The following DPP6 variants were observed in gnomAD, a reference collection of about 807,000 sequenced individuals.
DPP6 encodes the protein A-type potassium channel modulatory protein DPP6.
DPP6 carries 69 observed loss-of-function variants against 122.6 expected under a neutral mutation model. That is an observed-to-expected ratio of 0.56 (90% CI 0.46 to 0.69). The LOEUF (loss-of-function observed/expected upper bound fraction) is 0.69. Among genes scored for constraint, DPP6 ranks in the 30% least tolerant of loss-of-function variants. The pLI is 0.00. For missense variants in DPP6, 928 were observed against 1,116.9 expected, an observed-to-expected ratio of 0.83 and a Z score of 2.41; for synonymous variants, 418 against 433.1, an observed-to-expected ratio of 0.97 and a Z score of 0.43.
intron 1 of DPP6, among the ~76,000 whole-genome samples, chr7:154,412,002 G>A (rs1177468874): frequency 6.6e-6 from 1 of 152,092 alleles, no homozygotes; most frequent in African/African-American, 2.4e-5. Flanking sequence ...TGGAGACCGA[G>A]AAGTCCAAGA....
chr7:154,046,496 A>G (rs533410145), intron 1 of DPP6, among the ~76,000 whole-genome samples: 1 of 152,216 alleles, frequency 6.6e-6, no homozygotes, highest in Non-Finnish European at 1.5e-5. Context: ...TTAGAACTCA[A>G]AGATGAGTGT....
At chr7:153,903,359 A>G (rs1440465782) in intron 1 of DPP6, among the ~76,000 whole-genome samples, 1 of 152,178 alleles carries the variant, frequency 6.6e-6, no homozygotes, top group Non-Finnish European at 1.5e-5. Context: ...TTGTTTATTC[A>G]CTGCTTAGCA....
intron 3 of DPP6, among the ~76,000 whole-genome samples, chr7:154,536,902 T>G (rs1828303962): frequency 6.6e-6 from 1 of 152,216 alleles, no homozygotes; most frequent in Non-Finnish European, 1.5e-5. Context: ...ATTAGATTCC[T>G]ACCTCACACC....
chr7:154,060,110 C>A (rs1011964918), intron 1 of DPP6, among the ~76,000 whole-genome samples: 4 of 147,064 alleles, frequency 2.7e-5, no homozygotes, highest in African/African-American at 7.6e-5. Flanking sequence ...GCAATCCTCC[C>A]GAGGCGGGAC....
intron 1 of DPP6, among the ~76,000 whole-genome samples, chr7:154,337,857 G>A (rs1177727238): frequency 6.6e-6 from 1 of 152,208 alleles, no homozygotes; most frequent in Non-Finnish European, 1.5e-5. Context: ...GCTGATTTGG[G>A]TGCTCCTGAA....
chr7:154,828,736 C>G (rs144338890), intron 16 of DPP6, among the ~76,000 whole-genome samples: 1 of 152,126 alleles, frequency 6.6e-6, no homozygotes, highest in African/African-American at 2.4e-5. Flanking sequence ...GGGCTCTGAC[C>G]CATGCAGATG....
rs911641564 is a variant in DPP6 at position 154,489,354 on chromosome 7, A to G, written c.457+14317A>G. On this transcript the variant is annotated intron_variant, in intron 3 of 25. Transcript: ENST00000377770. ...TGTGCAGGGCTGACACCCATATCCT[A>G]TGCTCCCTTCGCAAGCTGAGTATTT... Among the ~76,000 whole-genome samples the G allele has an allele frequency of 7.6e-4, 115 of 152,250 alleles. 1 individual carries two copies. Among genetic ancestry groups the G allele is most frequent in the Middle Eastern group, 6.8e-3 (2 of 294 alleles).
chr7:154,734,691 G>A (rs1842494451), intron 8 of DPP6, among the ~76,000 whole-genome samples: 1 of 152,312 alleles, frequency 6.6e-6, no homozygotes, highest in East Asian at 1.9e-4. Context: ...TGATTAGCTT[G>A]ACAAAGCTCC....
intron 1 of DPP6, among the ~76,000 whole-genome samples, chr7:154,064,488 A>C (rs768537176): frequency 3.3e-5 from 5 of 150,108 alleles, no homozygotes; most frequent in Non-Finnish European, 7.5e-5. Flanking sequence ...CCTACAGAGA[A>C]AAAAAAGGCT....
intron 16 of DPP6, among the ~76,000 whole-genome samples, chr7:154,816,609 T>G (rs933671719): frequency 8.9e-5 from 5 of 55,978 alleles, no homozygotes; most frequent in Non-Finnish European, 2.0e-4. Flanking sequence ...TAATAAGTGT[T>G]AACTATCATA....
intron 1 of DPP6, among the ~76,000 whole-genome samples, chr7:153,901,245 A>G (rs1563218251): frequency 6.6e-6 from 1 of 152,230 alleles, no homozygotes; most frequent in Non-Finnish European, 1.5e-5. Context: ...GTGTGATCCA[A>G]AATATTCAAA....
chr7:153,934,430 A>G (rs2129014376), intron 1 of DPP6, among the ~76,000 whole-genome samples: 1 of 152,274 alleles, frequency 6.6e-6, no homozygotes, highest in East Asian at 1.9e-4. Context: ...GTAAAGGAAG[A>G]TAGTTGAGGT....
intron 1 of DPP6, chr7:154,305,031 C>T (rs1239384236): frequency 5.8e-4 from 8 of 13,910 alleles, no homozygotes; most frequent in African/African-American, 2.9e-3. Flanking sequence ...CCAGCCCCAG[C>T]CCCAGCCCCA....
chr7:154,262,790 C>G (rs1485211990), intron 1 of DPP6, among the ~76,000 whole-genome samples: 1 of 151,972 alleles, frequency 6.6e-6, no homozygotes, highest in Non-Finnish European at 1.5e-5. Flanking sequence ...GTACTAAATA[C>G]GTTTTAGTAA....
At chr7:154,747,278 T>C (rs1176194131) in intron 8 of DPP6, among the ~76,000 whole-genome samples, 1 of 152,232 alleles carries the variant, frequency 6.6e-6, no homozygotes, top group Non-Finnish European at 1.5e-5. Flanking sequence ...TGTACTGCTT[T>C]ACTTCAAAGC....
the DPP6 span, among the ~76,000 whole-genome samples, chr7:153,848,324 G>A: frequency 7.9e-6 from 1 of 126,930 alleles, no homozygotes; most frequent in Non-Finnish European, 1.6e-5. Context: ...GATGATTAAA[G>A]GCCAGGTTCT....
intron 8 of DPP6, among the ~76,000 whole-genome samples, chr7:154,744,885 C>T (rs1374873101): frequency 1.2e-4 from 18 of 152,182 alleles, no homozygotes; most frequent in Admixed American, 1.2e-3. Flanking sequence ...CACAGCCAGG[C>T]ACTCACTCAC....
chr7:154,567,575 G>A (rs1830837862), intron 5 of DPP6, among the ~76,000 whole-genome samples: 1 of 152,146 alleles, frequency 6.6e-6, no homozygotes, highest in African/African-American at 2.4e-5. Context: ...AAGTTTATTT[G>A]TATAAGTGGA....
chr7:154,823,084 C>G (rs923806538), intron 16 of DPP6, among the ~76,000 whole-genome samples: 1 of 152,218 alleles, frequency 6.6e-6, no homozygotes, highest in African/African-American at 2.4e-5. Context: ...AGTTAATACA[C>G]ATGCCATTTT....
Sources: allele counts gnomAD v4.1 joint callset (sites outside exome capture counted in the v4.1 genomes callset), GRCh38; gene constraint gnomAD v4.1.1; transcripts MANE v1.5; gene names NCBI Gene and HGNC (gene_info 2026-07-23, HGNC 2026-07-21).